The following CFAP47 variants were observed in gnomAD, a reference collection of about 807,000 sequenced individuals.
CFAP47 encodes the protein cilia- and flagella-associated protein 47.
Under a neutral mutation model 148.1 loss-of-function variants are expected in CFAP47, and 29 were observed. That is an observed-to-expected ratio of 0.20 (90% CI 0.15 to 0.27). The LOEUF (loss-of-function observed/expected upper bound fraction) is 0.27. Ranked by LOEUF, CFAP47 falls within the 10% of genes least tolerant of loss-of-function variation. The pLI, the probability that CFAP47 is intolerant of heterozygous loss-of-function variation, is 1.00. For missense variants in CFAP47, 1,872 were observed against 1,697.5 expected, an observed-to-expected ratio of 1.10 and a Z score of -1.81; for synonymous variants, 664 against 577.3, an observed-to-expected ratio of 1.15 and a Z score of -2.15.
At chrX:35,984,125 G>A (rs1263600832) in intron 15 of CFAP47, among the ~76,000 whole-genome samples, 1 of 111,403 alleles carries the variant, frequency 9.0e-6, no homozygotes, top group Non-Finnish European at 1.9e-5. Flanking sequence ...TTCTACTACT[G>A]ATTAAATTTC....
At chrX:36,211,469 C>G (rs1940099637) in intron 45 of CFAP47, 2 of 279,802 alleles carry the variant, frequency 7.1e-6, no homozygotes, top group Non-Finnish European at 6.7e-6. Flanking sequence ...AACATCCTGT[C>G]CAGTCCACTA....
intron 8 of CFAP47, among the ~76,000 whole-genome samples, chrX:35,956,446 C>T (rs984885745): frequency 8.9e-6 from 1 of 111,932 alleles, no homozygotes; most frequent in African/African-American, 3.2e-5. Flanking sequence ...ATAGTTACTT[C>T]CTCTAAAATA....
At chrX:35,933,176 A>T (rs1935856548) in intron 2 of CFAP47, among the ~76,000 whole-genome samples, 1 of 110,253 alleles carries the variant, frequency 9.1e-6, no homozygotes, top group Non-Finnish European at 1.9e-5. Context: ...TATTCTTTCT[A>T]ATTATATTTT....
At chrX:36,354,342 G>A (rs1171053228) in intron 60 of CFAP47, among the ~76,000 whole-genome samples, 4 of 108,894 alleles carry the variant, frequency 3.7e-5, no homozygotes, top group Non-Finnish European at 7.6e-5. Context: ...TTAGCCAGGT[G>A]TGGTGGCACA....
At chrX:36,089,009 G>T (rs1938136888) in intron 30 of CFAP47, among the ~76,000 whole-genome samples, 1 of 111,561 alleles carries the variant, frequency 9.0e-6, no homozygotes, top group South Asian at 3.7e-4. Flanking sequence ...CTTAGAAAAA[G>T]CAACTCACAT....
At chrX:36,254,316 G>T (rs1201558168) in intron 49 of CFAP47, among the ~76,000 whole-genome samples, 2 of 111,310 alleles carry the variant, frequency 1.8e-5, no homozygotes, top group African/African-American at 6.5e-5. Context: ...AAAGTAGATG[G>T]ATGTGTTTGG....
chrX:36,327,508 G>A (rs1193633657), intron 57 of CFAP47, among the ~76,000 whole-genome samples: 3 of 111,743 alleles, frequency 2.7e-5, no homozygotes, highest in Admixed American at 9.5e-5. Context: ...ACTCTTCTAC[G>A]CTGTTGGTGT....
rs1367042471 is a variant in CFAP47, at chrX:36,204,964, T to C, written c.6671T>C (p.Met2224Thr). The C allele has an allele frequency of 1.0e-5, 3 of 295,895 alleles. No homozygotes were observed. Among genetic ancestry groups the C allele is most frequent in the African/African-American group, 2.7e-5 (1 of 36,463 alleles). 24.4% of individuals were successfully genotyped at this position (295,895 alleles called of 1,213,427 possible). A position where few individuals can be genotyped will look rare whatever the true frequency, so the allele number is the denominator to read the frequency against. The change falls in exon 45 of 64, where the codon ATG becomes ACG. Residue 2224 changes from methionine to threonine, a missense_variant. Physicochemically the swap from Met to Thr is moderately conservative, Grantham distance 81. Coordinates refer to ENST00000378653, the MANE Select transcript of CFAP47 (RefSeq NM_001304548.2). ...TTTACTGTTTGTTCACAGACTCTTA[T>C]GCTCTTTCGTATCTCAAAGTTGAGG... ...LLGLTKIETL[M>T]LFRISKLRKP... is the part of the protein sequence containing the mutation.
rs756709338 is a variant in CFAP47 at position 35,924,137 on chromosome X, G to A, written c.250-1880G>A. Among the ~76,000 whole-genome samples, 826 of 92,503 alleles carry A rather than the reference G, an allele frequency of 8.9e-3. 10 individuals are homozygous for A. Among genetic ancestry groups the A allele is most frequent in the African/African-American group, 0.015 (321 of 21,093 alleles). 80.3% of individuals were successfully genotyped at this position (92,503 alleles called of 115,157 possible). ...CATGTATGCGTACATATATGTATATGTGTACATGTATGCGTACATATATGT... is the reference window on the plus strand; with the variant it reads ...CATGTATGCGTACATATATGTATATATGTACATGTATGCGTACATATATGT... On this transcript the variant is annotated intron_variant, in intron 1 of 63. Transcript: ENST00000378653.
intron 33 of CFAP47, among the ~76,000 whole-genome samples, chrX:36,109,830 G>A (rs1411648350): frequency 8.9e-6 from 1 of 111,788 alleles, no homozygotes; most frequent in Non-Finnish European, 1.9e-5. Flanking sequence ...GTATTGCACT[G>A]TGGTCTTTAT....
At chrX:36,336,188 C>T (rs1941603295) in intron 57 of CFAP47, among the ~76,000 whole-genome samples, 1 of 106,444 alleles carries the variant, frequency 9.4e-6, no homozygotes, top group African/African-American at 3.4e-5. Flanking sequence ...CACATTCTCT[C>T]TGTCTGTCTG....
intron 60 of CFAP47, among the ~76,000 whole-genome samples, chrX:36,354,523 A>G (rs1190139572): frequency 1.8e-5 from 2 of 110,372 alleles, no homozygotes; most frequent in South Asian, 3.9e-4. Context: ...CAATTAAAAA[A>G]CATCAAAATA....
At chrX:36,312,006 G>A (rs946579676) in intron 56 of CFAP47, among the ~76,000 whole-genome samples, 4 of 110,671 alleles carry the variant, frequency 3.6e-5, no homozygotes, top group Admixed American at 2.0e-4. Context: ...AGAGGCATGT[G>A]GTGTTTAATA....
intron 49 of CFAP47, among the ~76,000 whole-genome samples, chrX:36,261,534 G>C (rs1375198173): frequency 1.9e-5 from 2 of 105,704 alleles, no homozygotes; most frequent in Middle Eastern, 4.8e-3. Context: ...GACTCTTAAT[G>C]AGCATGCTGC....
intron 11 of CFAP47, among the ~76,000 whole-genome samples, chrX:35,971,165 A>C (rs922759918): frequency 8.9e-6 from 1 of 112,140 alleles, no homozygotes; most frequent in Non-Finnish European, 1.9e-5. Context: ...AGTGCCTATG[A>C]TTTATGGAGT....
chrX:36,033,962 C>A (rs764885902), intron 23 of CFAP47, among the ~76,000 whole-genome samples: 1 of 111,241 alleles, frequency 9.0e-6, no homozygotes, highest in Non-Finnish European at 1.9e-5. Context: ...CCTAACATTA[C>A]CTTACACTAC....
intron 1 of CFAP47, among the ~76,000 whole-genome samples, chrX:35,923,266 C>T (rs988463958): frequency 9.0e-6 from 1 of 111,227 alleles, no homozygotes; most frequent in Non-Finnish European, 1.9e-5. Flanking sequence ...GTCCCAGTTC[C>T]CTCATCTATA....
intron 50 of CFAP47, 116 bp downstream of exon 50, chrX:36,280,746 G>A: frequency 3.0e-6 from 1 of 328,907 alleles, no homozygotes; most frequent in Non-Finnish European, 5.3e-6. Context: ...TGTATTGCAT[G>A]TTTCCATAAG....
At chrX:36,299,651 C>T (rs1243626359) in intron 52 of CFAP47, among the ~76,000 whole-genome samples, 4 of 111,613 alleles carry the variant, frequency 3.6e-5, no homozygotes, top group Non-Finnish European at 5.6e-5. Context: ...AGTCTCTCCC[C>T]AAAGTTTGTG....
Sources: allele counts gnomAD v4.1 joint callset (sites outside exome capture counted in the v4.1 genomes callset), GRCh38; gene constraint gnomAD v4.1.1; transcripts MANE v1.5; gene names NCBI Gene and HGNC (gene_info 2026-07-23, HGNC 2026-07-21).